KMT2A: variants seen among roughly 807,000 people sequenced by gnomAD.
The protein encoded by KMT2A is histone-lysine N-methyltransferase 2A.
Under a neutral mutation model 345.3 loss-of-function variants are expected in KMT2A, and 16 were observed. That is an observed-to-expected ratio of 0.05 (90% CI 0.03 to 0.07). KMT2A has a LOEUF of 0.07. Ranked by LOEUF, KMT2A falls within the 10% of genes least tolerant of loss-of-function variation. KMT2A has a pLI of 1.00. For synonymous variants in KMT2A, 1,599 were observed against 1,778.6 expected, an observed-to-expected ratio of 0.90 and a Z score of 2.54; for missense variants, 3,272 against 4,841.6, an observed-to-expected ratio of 0.68 and a Z score of 9.62.
chr11:118,483,023 A>G (rs1950164155), intron 8 of KMT2A, among the ~76,000 whole-genome samples: 1 of 151,678 alleles, frequency 6.6e-6, no homozygotes, highest in African/African-American at 2.4e-5. Context: ...ACTTGAGGTC[A>G]GGAGTTGGAG....
intron 1 of KMT2A, among the ~76,000 whole-genome samples, chr11:118,444,251 A>G (rs1335644393): frequency 6.6e-6 from 1 of 152,242 alleles, no homozygotes; most frequent in Non-Finnish European, 1.5e-5. Flanking sequence ...ACTTCTGTCC[A>G]TCCATGAGGA....
rs1421275788 is a variant in KMT2A at position 118,525,441 on chromosome 11, C to A, written c.*3269C>A. The A allele has an allele frequency of 1.8e-5, 4 of 227,900 alleles. No individual in the cohort carries two copies. Among genetic ancestry groups the A allele is most frequent in the Non-Finnish European group, 3.5e-5 (4 of 114,814 alleles). 14.1% of individuals were successfully genotyped at this position (227,900 alleles called of 1,614,324 possible). The stretch of plus-strand genomic sequence containing the variant: ...CCACCCACCACCTCTCGCACAGCCC[C>A]TCTGTTTTTACACCAATAACAAGAA... On this transcript the variant is annotated 3_prime_UTR_variant, in exon 36 of 36. Coordinates refer to ENST00000534358, the MANE Select transcript of KMT2A (RefSeq NM_001197104.2).
chr11:118,495,146 G>T lies in KMT2A; in HGVS notation c.5363+379G>T, dbSNP rs61370062. On this transcript the variant is annotated intron_variant, in intron 18 of 35. Coordinates refer to ENST00000534358, the MANE Select transcript of KMT2A (RefSeq NM_001197104.2). This position sits in a 1 kb window ranked among gnomAD's most constrained non-coding sequence, Gnocchi z 4.1. The stretch of plus-strand genomic sequence containing the variant: ...TTATTCCAGTAAATTCTTTTGATTT[G>T]ATTTTATTTATTTATTTATTTTTTT... Among the ~76,000 whole-genome samples the T allele has an allele frequency of 4.0e-3, 605 of 151,320 alleles. 7 individuals are homozygous for T. The East Asian group carries it at 0.043, about 11-fold the overall frequency.
chr11:118,454,266 G>T (rs1555029971), intron 1 of KMT2A, among the ~76,000 whole-genome samples: 1 of 152,136 alleles, frequency 6.6e-6, no homozygotes. Context: ...GGCCAACAAA[G>T]CCACACGTAA....
intron 3 of KMT2A, 139 bp downstream of exon 3, chr11:118,474,454 G>A (rs1274890538): frequency 1.5e-5 from 16 of 1,053,554 alleles, no homozygotes; most frequent in South Asian, 1.7e-5. Context: ...ATTTGCAGTA[G>A]TCCTTCAAGG....
In KMT2A at chr11:118,520,677, A is replaced by G. The variant is rs2135288864; in HGVS notation, c.11430-125A>G. The G allele has an allele frequency of 4.3e-6, 3 of 690,144 alleles. No homozygotes were observed. The South Asian group carries it at 5.6e-5, about 13-fold the overall frequency. 42.8% of individuals were successfully genotyped at this position (690,144 alleles called of 1,614,324 possible). On this transcript the variant is annotated intron_variant, in intron 33 of 35. Coordinates refer to ENST00000534358, the MANE Select transcript of KMT2A (RefSeq NM_001197104.2). This position sits in a 1 kb window ranked among gnomAD's most constrained non-coding sequence, Gnocchi z 4.3. ...AAAAAAAAAGGGGGGCGCTCATTTT[A>G]TAAGGCACTCGTTCAGTTTGGCATT...
intron 28 of KMT2A, among the ~76,000 whole-genome samples, 157 bp from the exon 29 acceptor site, chr11:118,508,979 T>A (rs1401566722): frequency 1.3e-5 from 2 of 152,174 alleles, no homozygotes; most frequent in Admixed American, 6.5e-5. Flanking sequence ...TACAGTGGTG[T>A]GGTGGTTGTA....
intron 1 of KMT2A, among the ~76,000 whole-genome samples, chr11:118,462,659 C>G (rs1288312151): frequency 1.3e-5 from 2 of 151,950 alleles, no homozygotes; most frequent in Non-Finnish European, 2.9e-5. Context: ...CCCGGGTTCA[C>G]GCCATTCTCC....
rs1951085314 is a variant in KMT2A, at chr11:118,526,524, C to T, written c.*4352C>T. On this transcript the variant is annotated 3_prime_UTR_variant, in exon 36 of 36. Coordinates refer to ENST00000534358, the MANE Select transcript of KMT2A (RefSeq NM_001197104.2). ...ATAAGACATTTTTTGACAACTTTATCATGTATAACAGATCTGTTTTTTTTC... is the reference window on the plus strand; with the variant it reads ...ATAAGACATTTTTTGACAACTTTATTATGTATAACAGATCTGTTTTTTTTC... 1 of 229,178 alleles carries T rather than the reference C, an allele frequency of 4.4e-6. No individual in the cohort carries two copies. Among genetic ancestry groups the T allele is most frequent in the South Asian group, 1.8e-4 (1 of 5,472 alleles). The allele number at this position is 229,178 out of a possible 1,614,324, so 14.2% of individuals were successfully genotyped here. A position where few individuals can be genotyped will look rare whatever the true frequency, so the allele number is the denominator to read the frequency against.
chr11:118,438,107 G>A (rs1033266372), intron 1 of KMT2A, among the ~76,000 whole-genome samples: 3 of 152,164 alleles, frequency 2.0e-5, no homozygotes, highest in Non-Finnish European at 4.4e-5. Flanking sequence ...GTTGGGGTGA[G>A]GAGAGTAGAT....
intron 5 of KMT2A, 116 bp downstream of exon 5, chr11:118,478,317 A>C: frequency 1.3e-6 from 1 of 752,646 alleles, no homozygotes; most frequent in Non-Finnish European, 2.2e-6. Flanking sequence ...ATTGAGTTGC[A>C]AGACTTGTTA....
At chr11:118,516,024 G>A (rs1314866124) in intron 31 of KMT2A, among the ~76,000 whole-genome samples, 1 of 152,026 alleles carries the variant, frequency 6.6e-6, no homozygotes, top group Non-Finnish European at 1.5e-5. Context: ...GGGATTCCCA[G>A]GATTGTCTTA....
rs1315427088 is a variant in KMT2A at position 118,471,698 on chromosome 11, G to C, written c.539G>C (p.Arg180Thr). 3.1e-6 allele frequency: 5 copies of C among 1,599,646 alleles called. No individual in the cohort carries two copies. The highest frequency in any genetic ancestry group is 4.3e-6 in the Non-Finnish European group (5 of 1,176,382). ...TSPRKPRGRPRSGSDRNSAIL... is the reference protein window; with the variant it reads ...TSPRKPRGRPTSGSDRNSAIL... ...CCTCGAAAACCTCGTGGGAGACCTA[G>C]AAGTGGCTCTGACCGAAATTCAGCT... The change falls in exon 3 of 36, where the codon AGA becomes ACA. Residue 180 changes from arginine (R) to threonine (T), a missense_variant. Transcript: ENST00000534358.
At chr11:118,460,138 A>G (rs1328862429) in intron 1 of KMT2A, among the ~76,000 whole-genome samples, 1 of 152,198 alleles carries the variant, frequency 6.6e-6, no homozygotes, top group Non-Finnish European at 1.5e-5. Context: ...ACTATAGATA[A>G]TTTAGGTCTT....
At chr11:118,439,165 A>G (rs541783879) in intron 1 of KMT2A, 2 of 406,752 alleles carry the variant, frequency 4.9e-6, no homozygotes, top group South Asian at 3.6e-5. Context: ...CAGCAAAAAA[A>G]AAAAAAAAGA....
rs370793886 is a variant in KMT2A at position 118,491,417 on chromosome 11, T to A, written c.4819+99T>A. The A allele has an allele frequency of 6.8e-6, 8 of 1,173,644 alleles. No homozygotes were observed. The Middle Eastern group carries it at 8.9e-4, about 130-fold the overall frequency. The allele number at this position is 1,173,644 out of a possible 1,614,324, so 72.7% of individuals were successfully genotyped here. A position where few individuals can be genotyped will look rare whatever the true frequency, so the allele number is the denominator to read the frequency against. ...CCTAAAATTATGGTTGTGTTGTTATTTGAAATCTCTAAATTTATTTTTTAG... is the reference window on the plus strand; with the variant it reads ...CCTAAAATTATGGTTGTGTTGTTATATGAAATCTCTAAATTTATTTTTTAG... On this transcript the variant is annotated intron_variant, in intron 14 of 35. Transcript: ENST00000534358. This position sits in a 1 kb window ranked among gnomAD's most constrained non-coding sequence, Gnocchi z 4.2.
chr11:118,511,123 G>A (rs1265765107), intron 30 of KMT2A, among the ~76,000 whole-genome samples: 1 of 152,180 alleles, frequency 6.6e-6, no homozygotes, highest in East Asian at 1.9e-4. Context: ...AGAATTTCAG[G>A]AAACATAATG....
In KMT2A at chr11:118,436,834, G is replaced by C. The variant is rs1482202552; in HGVS notation, c.322G>C (p.Val108Leu). ...CTCTTCAGGGCCGGCCCTGCTCCGG[G>C]TGGGCCCGGGCTTCGACGCGGCGCT... ...SASSGPALLR[V>L]GPGFDAALQV... Residue 108 changes from valine (V) to leucine (L), a missense_variant, in exon 1 of 36, where the codon GTG becomes CTG. Transcript: ENST00000534358. This position sits in a 1 kb window ranked among gnomAD's most constrained non-coding sequence, Gnocchi z 6.9. 1.2e-6 allele frequency: 2 copies of C among 1,606,444 alleles called. No individual in the cohort carries two copies. The highest frequency in any genetic ancestry group is 1.7e-6 in the Non-Finnish European group (2 of 1,176,976).
chr11:118,506,777 T>G (rs1367988610), intron 27 of KMT2A, 131 bp downstream of exon 27: 28 of 942,630 alleles, frequency 3.0e-5, no homozygotes, highest in Non-Finnish European at 4.4e-5. Context: ...TTCCGGGTTT[T>G]GACTTTTTTT....
Sources: gnomAD v4.1 joint callset for allele counts (sites outside exome capture counted in the v4.1 genomes callset) on GRCh38, gnomAD v4.1.1 for gene constraint, Gnocchi (gnomAD v3.1) non-coding constraint, MANE v1.5 for transcripts, NCBI Gene and HGNC (gene_info 2026-07-23, HGNC 2026-07-21) for gene names.